The following ZNF804A variants were observed in gnomAD, a reference collection of about 807,000 sequenced individuals.
The protein encoded by ZNF804A is zinc finger protein 804A.
A neutral mutation model predicts 16.5 loss-of-function variants in ZNF804A; 2 were observed. That is an observed-to-expected ratio of 0.12 (90% CI 0.05 to 0.38). The LOEUF (loss-of-function observed/expected upper bound fraction) is 0.38, where lower values mean the gene tolerates loss of function less well. Among genes scored for constraint, ZNF804A ranks in the 10% least tolerant of loss-of-function variants. ZNF804A has a pLI of 0.99. For synonymous variants in ZNF804A, 534 were observed against 489.6 expected (o/e 1.09, Z -1.20); for missense variants, 1,473 against 1,390.7 (o/e 1.06, Z -0.94).
intron 1 of ZNF804A, among the ~76,000 whole-genome samples, chr2:184,686,849 G>T (rs1472289403): frequency 6.6e-6 from 1 of 152,002 alleles, no homozygotes; most frequent in Non-Finnish European, 1.5e-5. Context: ...TCTTTTGAAA[G>T]GTTCCCATTC....
Position 184,911,302 on chromosome 2 carries a change from G to T in ZNF804A, c.256-22301G>T, listed in dbSNP as rs189449055. ...TGCAGGTGTGCAGCTTTATTCCTGG[G>T]TTTGCTCTTCGGTTCCATTTGTCTA... On this transcript the variant is annotated intron_variant, in intron 2 of 3. Transcript: ENST00000302277. Among the ~76,000 whole-genome samples, 523 of 151,846 alleles carry T rather than the reference G, an allele frequency of 3.4e-3. 5 individuals are homozygous for T. Among genetic ancestry groups the T allele is most frequent in the African/African-American group, 0.012 (492 of 41,472 alleles).
At chr2:184,880,569 C>G (rs551918094) in intron 2 of ZNF804A, among the ~76,000 whole-genome samples, 24 of 152,092 alleles carry the variant, frequency 1.6e-4, no homozygotes, top group African/African-American at 5.3e-4. Flanking sequence ...TCTTTTGTGT[C>G]TTAGTAATCA....
intron 1 of ZNF804A, among the ~76,000 whole-genome samples, chr2:184,791,347 T>A (rs1165215169): frequency 6.6e-6 from 1 of 152,130 alleles, no homozygotes; most frequent in Non-Finnish European, 1.5e-5. Context: ...GATTGTAGGA[T>A]CAGTGTAGTG....
At chr2:184,874,231 G>A (rs1696018242) in intron 2 of ZNF804A, among the ~76,000 whole-genome samples, 1 of 152,038 alleles carries the variant, frequency 6.6e-6, no homozygotes. Flanking sequence ...CAGGATAGTG[G>A]TTACTTCAAG....
chr2:184,613,903 T>C (rs889424694), intron 1 of ZNF804A, among the ~76,000 whole-genome samples: 2 of 152,090 alleles, frequency 1.3e-5, no homozygotes, highest in East Asian at 1.9e-4. Flanking sequence ...CAAGCTACCA[T>C]TGACTTTCTT....
intron 1 of ZNF804A, among the ~76,000 whole-genome samples, chr2:184,647,840 C>G (rs568880034): frequency 6.6e-6 from 1 of 152,218 alleles, no homozygotes; most frequent in East Asian, 1.9e-4. Flanking sequence ...GGAAATTTCC[C>G]TAATCTTGCT....
intron 1 of ZNF804A, among the ~76,000 whole-genome samples, chr2:184,766,138 C>G (rs892388173): frequency 5.9e-5 from 9 of 151,972 alleles, no homozygotes; most frequent in African/African-American, 2.2e-4. Flanking sequence ...GTAAACGTGC[C>G]TATTACTTTA....
At chr2:184,729,169 A>G (rs536565695) in intron 1 of ZNF804A, among the ~76,000 whole-genome samples, 13 of 151,994 alleles carry the variant, frequency 8.6e-5, no homozygotes, top group Non-Finnish European at 1.6e-4. Context: ...CCAAAAGAAT[A>G]AATTTTAAGT....
intron 1 of ZNF804A, among the ~76,000 whole-genome samples, chr2:184,656,733 TAC>T (rs530798981): frequency 0.017 from 2,506 of 150,696 alleles, 29 homozygotes; most frequent in Non-Finnish European, 0.025. Flanking sequence ...TACACATATA[TAC>T]ACACACACAC....
intron 2 of ZNF804A, among the ~76,000 whole-genome samples, chr2:184,932,492 T>G (rs1559006828): frequency 6.6e-6 from 1 of 152,182 alleles, no homozygotes; most frequent in Admixed American, 6.5e-5. Flanking sequence ...TCATTCACTA[T>G]CACAATAAAA....
chr2:184,719,205 G>A (rs1459754996), intron 1 of ZNF804A, among the ~76,000 whole-genome samples: 5 of 152,192 alleles, frequency 3.3e-5, no homozygotes, highest in Middle Eastern at 3.4e-3. Context: ...TTTTAGTCAC[G>A]GCTGGGGCAG....
intron 2 of ZNF804A, among the ~76,000 whole-genome samples, chr2:184,895,530 T>C (rs1251985373): frequency 6.6e-6 from 1 of 152,162 alleles, no homozygotes; most frequent in African/African-American, 2.4e-5. Context: ...CAGAAATACA[T>C]AGCAAGCTGT....
At chr2:184,903,953 C>T (rs1276144716) in intron 2 of ZNF804A, among the ~76,000 whole-genome samples, 1 of 151,848 alleles carries the variant, frequency 6.6e-6, no homozygotes, top group Non-Finnish European at 1.5e-5. Context: ...AGATGATGAT[C>T]TTAAATAAAG....
At chr2:184,770,936 T>C (rs1044207667) in intron 1 of ZNF804A, among the ~76,000 whole-genome samples, 1 of 152,036 alleles carries the variant, frequency 6.6e-6, no homozygotes, top group Non-Finnish European at 1.5e-5. Flanking sequence ...TTTGTGTATA[T>C]TTCACCCAAA....
chr2:184,784,719 G>A (rs532552183), intron 1 of ZNF804A, among the ~76,000 whole-genome samples: 6 of 152,064 alleles, frequency 3.9e-5, no homozygotes, highest in Non-Finnish European at 7.4e-5. Context: ...CCTGAGGCAA[G>A]GGTTGCAGCT....
intron 2 of ZNF804A, among the ~76,000 whole-genome samples, chr2:184,892,634 C>A (rs1267507748): frequency 2.0e-5 from 3 of 151,924 alleles, no homozygotes; most frequent in Non-Finnish European, 4.4e-5. Flanking sequence ...CAGGCACGCG[C>A]CACCATGCCC....
chr2:184,921,155 T>C (rs1685522667), intron 2 of ZNF804A, among the ~76,000 whole-genome samples: 1 of 152,206 alleles, frequency 6.6e-6, no homozygotes, highest in African/African-American at 2.4e-5. Flanking sequence ...ATACTTGATT[T>C]CTATTATTCA....
intron 2 of ZNF804A, among the ~76,000 whole-genome samples, chr2:184,903,205 A>T (rs1685214502): frequency 1.3e-5 from 2 of 152,138 alleles, no homozygotes; most frequent in Non-Finnish European, 2.9e-5. Context: ...TTCAATGCTC[A>T]TCAAATCTGA....
chr2:184,677,364 T>A (rs898475072), intron 1 of ZNF804A, among the ~76,000 whole-genome samples: 5 of 151,954 alleles, frequency 3.3e-5, no homozygotes, highest in Non-Finnish European at 7.4e-5. Flanking sequence ...GCTGACTCAC[T>A]GTCACTATTT....
Sources: allele counts gnomAD v4.1 joint callset (sites outside exome capture counted in the v4.1 genomes callset), GRCh38; gene constraint gnomAD v4.1.1; transcripts MANE v1.5; gene names NCBI Gene and HGNC (gene_info 2026-07-23, HGNC 2026-07-21).